Variants in SGCD observed in about 807,000 individuals in gnomAD.
SGCD encodes delta-sarcoglycan.
SGCD carries 18 observed loss-of-function variants against 36.6 expected under a neutral mutation model. The observed-to-expected ratio is 0.49, with a 90% CI of 0.34 to 0.73. The LOEUF (loss-of-function observed/expected upper bound fraction) is 0.73. SGCD is among the 30% of genes least tolerant of loss of function. SGCD has a pLI of 0.01. For missense variants in SGCD, 387 were observed against 346.7 expected (o/e 1.12, Z -0.92); for synonymous variants, 133 against 130.6 (o/e 1.02, Z -0.12).
the SGCD span, among the ~76,000 whole-genome samples, chr5:155,816,283 G>A: frequency 6.6e-6 from 1 of 152,088 alleles, no homozygotes; most frequent in African/African-American, 2.4e-5. Flanking sequence ...ACTATTAATA[G>A]CCTACTGTTG....
At position 156,369,259 on chromosome 5, in the gene SGCD, G is replaced by A. The variant is rs181487144; in HGVS notation, c.192+24582G>A. 8.9e-4 allele frequency among the ~76,000 whole-genome samples: 136 copies of A among 152,316 alleles called. 1 individual carries two copies. The highest frequency in any genetic ancestry group is 6.8e-4 in the Non-Finnish European group (46 of 68,030). ...CTCCATAAGGACTTTTGTTTGCAGT[G>A]TTGTTTTTCTTTATGTCCCTTAAGT... On this transcript the variant is annotated intron_variant, in intron 3 of 8. Transcript: ENST00000337851.
chr5:156,073,697 A>G (rs1760667245), intron 1 of SGCD, among the ~76,000 whole-genome samples: 2 of 152,238 alleles, frequency 1.3e-5, no homozygotes, highest in South Asian at 4.1e-4. Flanking sequence ...AGACTAAGCC[A>G]CATGTTCTCT....
the SGCD span, among the ~76,000 whole-genome samples, chr5:155,854,451 G>A: frequency 6.6e-6 from 1 of 152,050 alleles, no homozygotes; most frequent in Admixed American, 6.6e-5. Context: ...CCCCTAAGAA[G>A]CTTTTTTTCG....
intron 3 of SGCD, among the ~76,000 whole-genome samples, chr5:156,506,382 C>T (rs567768774): frequency 6.6e-6 from 1 of 152,246 alleles, no homozygotes; most frequent in South Asian, 2.1e-4. Context: ...CACACACACA[C>T]ACCCCTTATT....
At chr5:156,591,576 C>G (rs1350431784) in intron 5 of SGCD, among the ~76,000 whole-genome samples, 1 of 152,160 alleles carries the variant, frequency 6.6e-6, no homozygotes, top group Non-Finnish European at 1.5e-5. Flanking sequence ...GCCACCAGGC[C>G]TTTGCACCTC....
chr5:156,429,797 A>G lies in SGCD; in HGVS notation c.193-78804A>G, dbSNP rs1252614198. Among the ~76,000 whole-genome samples the G allele has an allele frequency of 3.3e-5, 5 of 152,178 alleles. No homozygotes were observed. In the East Asian group the frequency reaches 9.6e-4, roughly 29 times the overall value. On this transcript the variant is annotated intron_variant, in intron 3 of 8. Transcript: ENST00000337851. Reference sequence around the variant, plus strand: ...TATAAAGCCTAGTTTCACTGGATACACAATTCTTGGCTTACAATTGTTTTG... The same window carrying G: ...TATAAAGCCTAGTTTCACTGGATACGCAATTCTTGGCTTACAATTGTTTTG...
chr5:156,250,049 T>C (rs1393493880), intron 3 of SGCD, among the ~76,000 whole-genome samples: 1 of 152,230 alleles, frequency 6.6e-6, no homozygotes, highest in African/African-American at 2.4e-5. Flanking sequence ...GTGATGTGGC[T>C]GTCTCTGGGC....
At chr5:156,079,988 G>T (rs1457040818) in intron 1 of SGCD, among the ~76,000 whole-genome samples, 2 of 152,256 alleles carry the variant, frequency 1.3e-5, no homozygotes, top group Non-Finnish European at 2.9e-5. Flanking sequence ...TGCCCCTGCA[G>T]CAGGCTTCTG....
the SGCD span, among the ~76,000 whole-genome samples, chr5:155,830,072 T>C: frequency 9.9e-5 from 15 of 152,206 alleles, no homozygotes; most frequent in Non-Finnish European, 1.8e-4. Flanking sequence ...CCAAGTCACT[T>C]CATTGTAGGT....
At chr5:156,628,900 C>A (rs1581283927) in intron 6 of SGCD, among the ~76,000 whole-genome samples, 1 of 152,134 alleles carries the variant, frequency 6.6e-6, no homozygotes, top group East Asian at 1.9e-4. Context: ...AAGTCAGTAA[C>A]CTCACTGCAC....
At chr5:156,134,797 AG>A in intron 3 of SGCD, among the ~76,000 whole-genome samples, 1 of 152,136 alleles carries the variant, frequency 6.6e-6, no homozygotes, top group East Asian at 1.9e-4. Context: ...ATACATATGT[AG>A]CAAACCTGCA....
At chr5:155,776,330 A>G in the SGCD span, among the ~76,000 whole-genome samples, 5 of 152,124 alleles carry the variant, frequency 3.3e-5, no homozygotes, top group African/African-American at 1.2e-4. Context: ...TGGACAAGTC[A>G]GTTTGCCCCC....
intron 3 of SGCD, among the ~76,000 whole-genome samples, chr5:156,297,920 C>T (rs998571067): frequency 6.6e-6 from 1 of 151,832 alleles, no homozygotes; most frequent in African/African-American, 2.4e-5. Flanking sequence ...ATCCCCCGCC[C>T]ACCCCCAATC....
At chr5:156,219,459 A>C (rs753602889) in intron 3 of SGCD, among the ~76,000 whole-genome samples, 5 of 152,194 alleles carry the variant, frequency 3.3e-5, no homozygotes, top group Admixed American at 6.5e-5. Flanking sequence ...TATAACTTAT[A>C]TCGACAAGAA....
At chr5:156,309,915 CCT>C (rs1767346108) in intron 3 of SGCD, among the ~76,000 whole-genome samples, 1 of 151,976 alleles carries the variant, frequency 6.6e-6, no homozygotes, top group Non-Finnish European at 1.5e-5. Context: ...GCCACACTTC[CCT>C]GTTTCATTGT....
At chr5:156,097,738 T>C (rs978478282) in intron 1 of SGCD, among the ~76,000 whole-genome samples, 7 of 152,240 alleles carry the variant, frequency 4.6e-5, no homozygotes, top group African/African-American at 1.4e-4. Flanking sequence ...TCTTTTCTTA[T>C]TCAAGTTGTG....
intron 7 of SGCD, among the ~76,000 whole-genome samples, chr5:156,715,620 T>C (rs1474089308): frequency 2.0e-5 from 3 of 152,242 alleles, no homozygotes; most frequent in Non-Finnish European, 4.4e-5. Flanking sequence ...GTTTAACTGT[T>C]TGGACTGTAA....
upstream of SGCD, among the ~76,000 whole-genome samples, chr5:155,869,054 T>G (rs1755579817): frequency 6.6e-6 from 1 of 152,220 alleles, no homozygotes; most frequent in Admixed American, 6.5e-5. Flanking sequence ...AAACTCAGCT[T>G]GAAAATCTCA....
At chr5:155,800,365 G>A in the SGCD span, among the ~76,000 whole-genome samples, 1 of 152,232 alleles carries the variant, frequency 6.6e-6, no homozygotes, top group Middle Eastern at 3.4e-3. Context: ...TTAGACAGGT[G>A]TATGATATAC....
Sources: allele counts gnomAD v4.1 joint callset (sites outside exome capture counted in the v4.1 genomes callset), GRCh38; gene constraint gnomAD v4.1.1; transcripts MANE v1.5; gene names NCBI Gene and HGNC (gene_info 2026-07-23, HGNC 2026-07-21).